The following TRIML2 variants were observed in gnomAD, a reference collection of about 807,000 sequenced individuals.
TRIML2 encodes tripartite motif family like 2.
Under a neutral mutation model 31.2 loss-of-function variants are expected in TRIML2, and 28 were observed. The observed-to-expected ratio is 0.90, with a 90% CI of 0.66 to 1.23. The LOEUF (loss-of-function observed/expected upper bound fraction) is 1.23. Ranked by LOEUF, TRIML2 falls within the 50% of genes most tolerant of loss-of-function variation. The pLI is 0.00. For synonymous variants in TRIML2, 187 were observed against 197.5 expected (o/e 0.95, Z 0.45); for missense variants, 536 against 528.3 (o/e 1.01, Z -0.14).
In TRIML2 at chr4:188,101,120, G is replaced by A. The variant is rs745486224; in HGVS notation, c.416C>T (p.Thr139Ile). Residue 139 changes from threonine to isoleucine, a missense_variant, in exon 4 of 8, where the codon ACC becomes ATC. By Grantham distance (89) the Thr-to-Ile change is moderately conservative. Transcript: ENST00000682553. ...AAGCTTGATCGCTTGATTCAGAAGGGTTTCTCTCAGGTTCAAGTCAGATAT... is the reference window on the plus strand; with the variant it reads ...AAGCTTGATCGCTTGATTCAGAAGGATTTCTCTCAGGTTCAAGTCAGATAT... ...ECISDLNLRE[T>I]LLNQAIKLAT... is the part of the protein sequence containing the mutation. 6.2e-7 allele frequency: 1 copy of A among 1,613,590 alleles called. No homozygotes were observed. Among genetic ancestry groups the A allele is most frequent in the African/African-American group, 1.3e-5 (1 of 74,918 alleles).
intron 7 of TRIML2, among the ~76,000 whole-genome samples, chr4:188,096,081 C>G (rs1404726911): frequency 6.6e-6 from 1 of 152,200 alleles, no homozygotes; most frequent in African/African-American, 2.4e-5. Context: ...TGCCTGCAAT[C>G]ATGTTTCATG....
In TRIML2 at chr4:188,105,372, G is replaced by T; in HGVS notation, c.-4C>A. ...GAGGGCTGAGCCTTTTGGACATCCT[G>T]GTAGGGGTCCCTAGTTGAAGACTGG... is the stretch of plus-strand genomic sequence containing the variant. On this transcript the variant is annotated 5_prime_UTR_variant, in exon 2 of 8. Coordinates refer to ENST00000682553, the MANE Select transcript of TRIML2 (RefSeq NM_173553.4). 6.4e-7 allele frequency: 1 copy of T among 1,564,142 alleles called. No individual in the cohort carries two copies. Among genetic ancestry groups the T allele is most frequent in the Non-Finnish European group, 8.7e-7 (1 of 1,151,510 alleles).
At chr4:188,108,865 T>G (rs1579188741) in intron 1 of TRIML2, among the ~76,000 whole-genome samples, 1 of 152,318 alleles carries the variant, frequency 6.6e-6, no homozygotes, top group South Asian at 2.1e-4. Flanking sequence ...AGATTTTATC[T>G]TTCTATGAAC....
At chr4:188,099,601 A>C (rs76335822) in intron 4 of TRIML2, among the ~76,000 whole-genome samples, 2 of 151,414 alleles carry the variant, frequency 1.3e-5, no homozygotes, top group African/African-American at 2.4e-5. Flanking sequence ...AAAAAAAAAA[A>C]CCCTGCTTTT....
intron 3 of TRIML2, among the ~76,000 whole-genome samples, chr4:188,102,392 G>C (rs956801615): frequency 6.6e-6 from 1 of 152,068 alleles, no homozygotes; most frequent in Non-Finnish European, 1.5e-5. Flanking sequence ...AGGAGTGTGC[G>C]TTAGCTCGGG....
chr4:188,099,570 A>AAAAACC (rs1299182987), intron 4 of TRIML2, among the ~76,000 whole-genome samples: 3,402 of 150,706 alleles, frequency 0.023, 127 homozygotes, highest in African/African-American at 0.079. Flanking sequence ...AATCAAAAAA[A>AAAAACC]AAAACCAAAA....
intron 5 of TRIML2, among the ~76,000 whole-genome samples, chr4:188,097,811 G>A (rs1011133870): frequency 6.6e-6 from 1 of 152,102 alleles, no homozygotes; most frequent in Non-Finnish European, 1.5e-5. Flanking sequence ...CCCAGGAGAG[G>A]GATATGGACA....
At chr4:188,092,056 T>C (rs928243293) in intron 7 of TRIML2, 115 bp from the exon 8 acceptor site, 20 of 1,070,008 alleles carry the variant, frequency 1.9e-5, no homozygotes, top group South Asian at 1.6e-4. Context: ...CAGGCCCAGA[T>C]ACGGGAGAGG....
At chr4:188,093,445 G>A (rs1004537930) in intron 7 of TRIML2, among the ~76,000 whole-genome samples, 2 of 151,924 alleles carry the variant, frequency 1.3e-5, no homozygotes, top group African/African-American at 4.8e-5. Context: ...AGGCCGAGGA[G>A]GACGGATCAC....
chr4:188,103,320 C>A (rs1015536090), intron 3 of TRIML2, among the ~76,000 whole-genome samples: 1 of 152,144 alleles, frequency 6.6e-6, no homozygotes, highest in Non-Finnish European at 1.5e-5. Flanking sequence ...ATCTTAATGT[C>A]TATTTTCATT....
In TRIML2 at chr4:188,097,325, T is replaced by A; in HGVS notation, c.643A>T (p.Arg215Trp). The stretch of plus-strand genomic sequence containing the variant: ...ATTGTATCCAAAATGAAAACTCACC[T>A]TTCTAAAGAGTATTTTGCATTCTAA... The part of the protein sequence containing the change: ...LLKNAKYSLE[R>W]SKSLLLEHLE... Residue 215 changes from arginine to tryptophan, a missense_variant and splice_region_variant, in exon 6 of 8, where the codon AGG (arginine) becomes TGG (tryptophan). Transcript: ENST00000682553. The A allele has an allele frequency of 1.2e-6, 2 of 1,614,034 alleles. No homozygotes were observed. The highest frequency in any genetic ancestry group is 1.7e-5 in the Admixed American group (1 of 59,996).
Position 188,105,296 on chromosome 4 carries a change from G to C in TRIML2, c.73C>G (p.Pro25Ala), listed in dbSNP as rs1323434566. ...EDAYCETHLEPTRLFCDVDQI... is the reference protein window; with the variant it reads ...EDAYCETHLEATRLFCDVDQI... ...TCAACATCACAGAACAGCCGTGTTG[G>C]TTCCAGGTGTGTTTCACAATAGGCA... The change falls in exon 2 of 8, where the codon CCA (proline) becomes GCA (alanine). Residue 25 changes from proline to alanine, a missense_variant. By Grantham distance (27) the Pro-to-Ala change is conservative. Coordinates refer to ENST00000682553, the MANE Select transcript of TRIML2 (RefSeq NM_173553.4). The C allele has an allele frequency of 1.2e-6, 2 of 1,611,032 alleles. No individual in the cohort carries two copies. The highest frequency in any genetic ancestry group is 4.5e-5 in the East Asian group (2 of 44,740).
intron 3 of TRIML2, among the ~76,000 whole-genome samples, chr4:188,103,839 A>T (rs1733911236): frequency 6.6e-6 from 1 of 152,170 alleles, no homozygotes; most frequent in Non-Finnish European, 1.5e-5. Context: ...TATTTGCTGA[A>T]CACATGGTAC....
intron 4 of TRIML2, among the ~76,000 whole-genome samples, chr4:188,100,461 G>A (rs565783949): frequency 4.6e-5 from 7 of 152,168 alleles, no homozygotes; most frequent in Non-Finnish European, 1.0e-4. Flanking sequence ...GGTGGCTCAC[G>A]CCTGTAATCC....
intron 3 of TRIML2, among the ~76,000 whole-genome samples, chr4:188,104,313 A>C (rs1733931091): frequency 6.6e-6 from 1 of 152,050 alleles, no homozygotes; most frequent in African/African-American, 2.4e-5. Context: ...GCAAACTCTT[A>C]TTTGATCGTT....
Position 188,101,154 on chromosome 4 carries a change from G to C in TRIML2, c.382C>G (p.Gln128Glu), listed in dbSNP as rs1188330034. 1 of 1,613,634 alleles carries C rather than the reference G, an allele frequency of 6.2e-7. No homozygotes were observed. Among genetic ancestry groups the C allele is most frequent in the Non-Finnish European group, 8.5e-7 (1 of 1,179,860 alleles). ...AGGTTCAAGTCAGATATGCATTCCT[G>C]CTGTCTCTGGAGATTCTGCTCACAC... ...EECEQNLQRQ[Q>E]ECISDLNLRE... is the part of the protein sequence containing the mutation. Residue 128 changes from glutamine to glutamate, a missense_variant, in exon 4 of 8, where the codon CAG becomes GAG. Transcript: ENST00000682553.
At chr4:188,100,622 T>C (rs2111175125) in intron 4 of TRIML2, among the ~76,000 whole-genome samples, 1 of 152,162 alleles carries the variant, frequency 6.6e-6, no homozygotes, top group South Asian at 2.1e-4. Context: ...CTTGGGAGGC[T>C]GAGGCAGGAG....
intron 1 of TRIML2, chr4:188,106,937 T>C: frequency 4.9e-6 from 1 of 206,076 alleles, no homozygotes; most frequent in African/African-American, 2.3e-5. Flanking sequence ...TCCTTTGTAA[T>C]TCTGGCTTTC....
Position 188,097,472 on chromosome 4 carries a change from A to G in TRIML2, c.622-126T>C, listed in dbSNP as rs1241463107. 3 of 852,292 alleles carry G rather than the reference A, an allele frequency of 3.5e-6. No individual in the cohort carries two copies. The East Asian group carries it at 7.3e-5, about 21-fold the overall frequency. The allele number at this position is 852,292 out of a possible 1,614,324, so 52.8% of individuals were successfully genotyped here. ...GTCATTTCTTCAACCTCATAATGCT[A>G]GTTATCAGATGAACAAATTCTAACA... is the stretch of plus-strand genomic sequence containing the variant. On this transcript the variant is annotated intron_variant, in intron 5 of 7. Coordinates refer to ENST00000682553, the MANE Select transcript of TRIML2 (RefSeq NM_173553.4).
Sources: allele counts gnomAD v4.1 joint callset (sites outside exome capture counted in the v4.1 genomes callset), GRCh38; gene constraint gnomAD v4.1.1; transcripts MANE v1.5; gene names NCBI Gene and HGNC (gene_info 2026-07-23, HGNC 2026-07-21).